The following PTK2 variants were observed in gnomAD, a reference collection of about 807,000 sequenced individuals.
PTK2 encodes protein tyrosine kinase 2.
A neutral mutation model predicts 150.1 loss-of-function variants in PTK2; 45 were observed. That is an observed-to-expected ratio of 0.30 (90% CI 0.24 to 0.38). The LOEUF (loss-of-function observed/expected upper bound fraction) is 0.38. Among genes scored for constraint, PTK2 ranks in the 10% least tolerant of loss-of-function variants. The pLI is 1.00. For synonymous variants in PTK2, 432 were observed against 449.2 expected (o/e 0.96, Z 0.48); for missense variants, 919 against 1,307.3 (o/e 0.70, Z 4.58).
chr8:140,913,975 A>T (rs1199833675), intron 2 of PTK2, among the ~76,000 whole-genome samples: 1 of 152,212 alleles, frequency 6.6e-6, no homozygotes, highest in Non-Finnish European at 1.5e-5. Flanking sequence ...CAAAGATTTC[A>T]TTACTGTTTT....
chr8:140,718,908 T>G (rs2100041239), intron 22 of PTK2, among the ~76,000 whole-genome samples: 1 of 152,334 alleles, frequency 6.6e-6, no homozygotes, highest in East Asian at 1.9e-4. Flanking sequence ...CCGGGCATGG[T>G]GGCTCACGCC....
chr8:140,963,454 A>C (rs1373543284), intron 1 of PTK2, among the ~76,000 whole-genome samples: 1 of 152,104 alleles, frequency 6.6e-6, no homozygotes, highest in Non-Finnish European at 1.5e-5. Flanking sequence ...CACCTCACTT[A>C]TCTCTCACCC....
At chr8:140,898,225 A>G (rs1001747937) in intron 2 of PTK2, among the ~76,000 whole-genome samples, 4 of 152,254 alleles carry the variant, frequency 2.6e-5, no homozygotes, top group Non-Finnish European at 5.9e-5. Context: ...ACATAAAATT[A>G]CTATCAAATT....
At chr8:140,882,300 C>T (rs1387187581) in intron 3 of PTK2, among the ~76,000 whole-genome samples, 1 of 152,152 alleles carries the variant, frequency 6.6e-6, no homozygotes, top group Non-Finnish European at 1.5e-5. Context: ...GGAATGTAAA[C>T]TCAACCAACC....
intron 1 of PTK2, among the ~76,000 whole-genome samples, chr8:140,928,932 T>C (rs1380123542): frequency 6.6e-6 from 1 of 151,712 alleles, no homozygotes. Flanking sequence ...AAATTTCACA[T>C]TTTTTAAAAT....
chr8:140,792,579 A>G (rs2100089103), intron 13 of PTK2, among the ~76,000 whole-genome samples: 5 of 152,244 alleles, frequency 3.3e-5, no homozygotes, highest in Admixed American at 3.3e-4. Flanking sequence ...GTACTTGGGT[A>G]GCCCAGATAG....
intron 2 of PTK2, among the ~76,000 whole-genome samples, chr8:140,903,895 G>C (rs2100159787): frequency 6.6e-6 from 1 of 152,134 alleles, no homozygotes; most frequent in South Asian, 2.1e-4. Context: ...GAGATTTTGG[G>C]CTAAGATGAT....
chr8:140,943,017 A>G (rs964702873), intron 1 of PTK2, among the ~76,000 whole-genome samples: 3 of 152,076 alleles, frequency 2.0e-5, no homozygotes, highest in Non-Finnish European at 4.4e-5. Flanking sequence ...ACCTTCCATC[A>G]TGAGTAAAAG....
intron 27 of PTK2, among the ~76,000 whole-genome samples, chr8:140,679,012 T>G (rs1423545144): frequency 6.8e-4 from 19 of 27,960 alleles, no homozygotes; most frequent in African/African-American, 1.8e-3. Context: ...TGTTTTTTTT[T>G]TTTTTTTTTT....
intron 23 of PTK2, among the ~76,000 whole-genome samples, chr8:140,713,160 G>C (rs1368675260): frequency 6.6e-6 from 1 of 152,146 alleles, no homozygotes; most frequent in Non-Finnish European, 1.5e-5. Context: ...CTTTTTGTGT[G>C]AGCACAGGGG....
At chr8:140,761,444 G>C (rs1594424775) in intron 15 of PTK2, among the ~76,000 whole-genome samples, 182 bp from the exon 19 acceptor site, 1 of 152,114 alleles carries the variant, frequency 6.6e-6, no homozygotes, top group Non-Finnish European at 1.5e-5. Context: ...CATGTAATTA[G>C]TTATGGTATT....
chr8:140,952,148 G>T (rs943151733), intron 1 of PTK2, among the ~76,000 whole-genome samples: 4 of 152,190 alleles, frequency 2.6e-5, no homozygotes, highest in African/African-American at 9.7e-5. Context: ...TAAGAAAAGA[G>T]AACTTATTTT....
chr8:140,781,588 T>C (rs957171382), intron 14 of PTK2, among the ~76,000 whole-genome samples: 1 of 152,160 alleles, frequency 6.6e-6, no homozygotes, highest in African/African-American at 2.4e-5. Context: ...CCACTTTAAA[T>C]TTTTGTTGTA....
intron 2 of PTK2, chr8:140,921,320 C>G (rs1365573585): frequency 2.1e-5 from 4 of 188,652 alleles, no homozygotes; most frequent in Non-Finnish European, 4.3e-5. Context: ...CCCTTCTGTT[C>G]AATTCATCCA....
chr8:140,915,033 C>CA (rs10661609), intron 2 of PTK2, among the ~76,000 whole-genome samples: 4,019 of 52,972 alleles, frequency 0.076, 724 homozygotes, highest in African/African-American at 0.26. Flanking sequence ...AACTCCAACT[C>CA]AAAAAAAAAA....
rs78485750 is a variant in PTK2, at chr8:140,776,741, C to T, written c.1178-12451G>A. Among the ~76,000 whole-genome samples, 1,276 of 152,168 alleles carry T rather than the reference C, an allele frequency of 8.4e-3. 16 individuals are homozygous for T. Among genetic ancestry groups the T allele is most frequent in the African/African-American group, 0.028 (1,174 of 41,488 alleles). On this transcript the variant is annotated intron_variant, in intron 14 of 31. Transcript: ENST00000522684. ...ATTCCACATGGCGAGAACATAGTGGCCACGGGTCTGGAGTTCAAGAAAGAA... is the reference window on the plus strand; with the variant it reads ...ATTCCACATGGCGAGAACATAGTGGTCACGGGTCTGGAGTTCAAGAAAGAA...
At chr8:140,845,464 C>A (rs2100124831) in intron 7 of PTK2, among the ~76,000 whole-genome samples, 2 of 152,196 alleles carry the variant, frequency 1.3e-5, no homozygotes, top group Non-Finnish European at 2.9e-5. Context: ...CACATATCTA[C>A]ACTTTGTGAA....
chr8:140,677,334 C>T (rs1489475462), intron 27 of PTK2, among the ~76,000 whole-genome samples: 1 of 152,192 alleles, frequency 6.6e-6, no homozygotes, highest in Non-Finnish European at 1.5e-5. Context: ...ATACCTCCAT[C>T]AGTTCTAGGC....
At chr8:140,914,354 A>T (rs2100164344) in intron 2 of PTK2, among the ~76,000 whole-genome samples, 1 of 152,184 alleles carries the variant, frequency 6.6e-6, no homozygotes, top group Non-Finnish European at 1.5e-5. Context: ...ATGAATCTGA[A>T]ATCAAAGATT....
Sources: gnomAD v4.1 joint callset for allele counts (sites outside exome capture counted in the v4.1 genomes callset) on GRCh38, gnomAD v4.1.1 for gene constraint, MANE v1.5 for transcripts, NCBI Gene and HGNC (gene_info 2026-07-23, HGNC 2026-07-21) for gene names.